The following KCNIP1 variants were observed in gnomAD, a reference collection of about 807,000 sequenced individuals.
KCNIP1 encodes the protein potassium voltage-gated channel interacting protein 1, also known as A-type potassium channel modulatory protein KCNIP1.
In KCNIP1, 18 loss-of-function variants were observed where a neutral mutation model predicts 33.0. The ratio of observed to expected loss-of-function variants is 0.55; its 90% CI spans 0.38 to 0.81. The LOEUF is 0.81. Among genes scored for constraint, KCNIP1 ranks in the 30% least tolerant of loss-of-function variants. The pLI is 0.00. For missense variants in KCNIP1, 238 were observed against 271.6 expected (o/e 0.88, Z 0.87); for synonymous variants, 93 against 98.3 (o/e 0.95, Z 0.32).
intron 1 of KCNIP1, among the ~76,000 whole-genome samples, chr5:170,712,267 T>A (rs1763475945): frequency 6.6e-6 from 1 of 152,230 alleles, no homozygotes; most frequent in Admixed American, 6.5e-5. Flanking sequence ...TTTTTCTGCA[T>A]CTGGTTACTA....
At chr5:170,655,593 T>G (rs143656698) in intron 1 of KCNIP1, among the ~76,000 whole-genome samples, 169 of 152,348 alleles carry the variant, frequency 1.1e-3, no homozygotes, top group African/African-American at 3.9e-3. Flanking sequence ...TACTGAGATC[T>G]GCAAAGCTGA....
At chr5:170,474,798 A>T (rs1023420868) in intron 1 of KCNIP1, among the ~76,000 whole-genome samples, 4 of 152,198 alleles carry the variant, frequency 2.6e-5, no homozygotes, top group African/African-American at 4.8e-5. Flanking sequence ...CCAGACCTTC[A>T]CGGGGAGTGT....
intron 1 of KCNIP1, among the ~76,000 whole-genome samples, chr5:170,690,095 C>A (rs990356207): frequency 6.6e-6 from 1 of 152,186 alleles, no homozygotes; most frequent in African/African-American, 2.4e-5. Flanking sequence ...CTGCCCCGCA[C>A]GGTGCCCAGC....
chr5:170,613,579 T>C (rs2113622704), intron 1 of KCNIP1, among the ~76,000 whole-genome samples: 1 of 150,914 alleles, frequency 6.6e-6, no homozygotes, highest in South Asian at 2.1e-4. Flanking sequence ...GGGAGAGAAA[T>C]AGTTGGGGAG....
chr5:170,356,595 T>C (rs1262053947), intron 1 of KCNIP1, among the ~76,000 whole-genome samples: 1 of 152,216 alleles, frequency 6.6e-6, no homozygotes, highest in East Asian at 1.9e-4. Flanking sequence ...TCCCTGATCA[T>C]AATTTGTGGT....
intron 1 of KCNIP1, among the ~76,000 whole-genome samples, chr5:170,546,996 C>G (rs1034704687): frequency 6.6e-6 from 1 of 152,112 alleles, no homozygotes; most frequent in Admixed American, 6.5e-5. Context: ...TTTGTTTGCT[C>G]TCATTCTTGA....
At chr5:170,704,970 T>G (rs577802581) in intron 1 of KCNIP1, among the ~76,000 whole-genome samples, 2 of 152,340 alleles carry the variant, frequency 1.3e-5, no homozygotes, top group Non-Finnish European at 2.9e-5. Flanking sequence ...TTTCACTGAT[T>G]GCTCCCGGGC....
At chr5:170,451,949 G>A (rs960291326) in intron 1 of KCNIP1, among the ~76,000 whole-genome samples, 3 of 151,914 alleles carry the variant, frequency 2.0e-5, no homozygotes, top group Admixed American at 1.3e-4. Flanking sequence ...CCCAGGAGCT[G>A]CCCTGCCCAG....
In KCNIP1 at chr5:170,504,027, G is replaced by T; in HGVS notation, c.-546G>T. 3.0e-6 allele frequency: 3 copies of T among 984,740 alleles called. No individual in the cohort carries two copies. Among genetic ancestry groups the T allele is most frequent in the Non-Finnish European group, 3.6e-6 (3 of 829,562 alleles). 61.0% of individuals were successfully genotyped at this position (984,740 alleles called of 1,614,324 possible). On this transcript the variant is annotated 5_prime_UTR_variant, in exon 1 of 8. Transcript: ENST00000328939. This position sits in a 1 kb window ranked among gnomAD's most constrained non-coding sequence, Gnocchi z 6.0. ...CGCCCCCTCCGCCGCTCCGACTCTC[G>T]CCCCGAGCGCTGGCAGCAGGCAGCA...
chr5:170,581,724 G>A (rs1011037171), intron 1 of KCNIP1, among the ~76,000 whole-genome samples: 1 of 152,228 alleles, frequency 6.6e-6, no homozygotes, highest in South Asian at 2.1e-4. Context: ...ATCCATCTTT[G>A]ATGGTTAAAC....
At chr5:170,354,053 G>T (rs1763281968) in intron 1 of KCNIP1, 2 of 1,193,558 alleles carry the variant, frequency 1.7e-6, no homozygotes, top group Non-Finnish European at 2.5e-6. Flanking sequence ...GACCATTCTG[G>T]TGCACCCAGG....
Position 170,633,528 on chromosome 5 carries a change from A to G in KCNIP1, c.62-85230A>G, listed in dbSNP as rs1011577220. On this transcript the variant is annotated intron_variant, in intron 1 of 7. Coordinates refer to ENST00000328939, the MANE Select transcript of KCNIP1 (RefSeq NM_014592.4). Reference sequence around the variant, plus strand: ...CAGACCCAAGCAGGAGGCAAAAGAAACGCAGAGGCTTTCCAGGATGGAAAA... The same window carrying G: ...CAGACCCAAGCAGGAGGCAAAAGAAGCGCAGAGGCTTTCCAGGATGGAAAA... Among the ~76,000 whole-genome samples the G allele has an allele frequency of 2.0e-5, 3 of 149,562 alleles. No individual in the cohort carries two copies. The South Asian group carries it at 6.5e-4, about 33-fold the overall frequency.
chr5:170,429,606 C>G (rs1402477934), intron 1 of KCNIP1, among the ~76,000 whole-genome samples: 2 of 152,062 alleles, frequency 1.3e-5, no homozygotes, highest in African/African-American at 4.8e-5. Context: ...TCTCATCATC[C>G]ACTCCTCCCC....
chr5:170,566,529 C>G (rs1757210331), intron 1 of KCNIP1, among the ~76,000 whole-genome samples: 1 of 152,228 alleles, frequency 6.6e-6, no homozygotes, highest in African/African-American at 2.4e-5. Context: ...CAGGATCTAT[C>G]CATTTTCAAT....
intron 1 of KCNIP1, among the ~76,000 whole-genome samples, chr5:170,646,081 A>G (rs771582542): frequency 4.6e-5 from 7 of 152,234 alleles, no homozygotes; most frequent in Non-Finnish European, 1.0e-4. Flanking sequence ...CCCTATGTCT[A>G]TTACAGAAAT....
At chr5:170,651,176 C>A (rs148128210) in intron 1 of KCNIP1, among the ~76,000 whole-genome samples, 2 of 152,260 alleles carry the variant, frequency 1.3e-5, no homozygotes, top group South Asian at 2.1e-4. Context: ...TTGGAAGAAC[C>A]TTCTAACAGT....
At chr5:170,541,033 C>G (rs1739654789) in intron 1 of KCNIP1, among the ~76,000 whole-genome samples, 1 of 152,202 alleles carries the variant, frequency 6.6e-6, no homozygotes, top group Non-Finnish European at 1.5e-5. Flanking sequence ...TGATCTTAGG[C>G]AAGTTCAGAT....
intron 1 of KCNIP1, among the ~76,000 whole-genome samples, chr5:170,512,311 C>T (rs1025813155): frequency 1.3e-5 from 2 of 152,156 alleles, no homozygotes; most frequent in African/African-American, 2.4e-5. Flanking sequence ...GGAGATCAGT[C>T]GGTTTACAAG....
At chr5:170,731,716 GA>G (rs760787507) in intron 5 of KCNIP1, among the ~76,000 whole-genome samples, 38,140 of 140,518 alleles carry the variant, frequency 0.27, 6,223 homozygotes, top group Non-Finnish European at 0.39. Context: ...AAAGAAAAAA[GA>G]AAAAAAGAAT....
Sources: gnomAD v4.1 joint callset for allele counts (sites outside exome capture counted in the v4.1 genomes callset) on GRCh38, gnomAD v4.1.1 for gene constraint, Gnocchi (gnomAD v3.1) non-coding constraint, MANE v1.5 for transcripts, NCBI Gene and HGNC (gene_info 2026-07-23, HGNC 2026-07-21) for gene names.